Variants in AGBL4 observed in about 807,000 individuals in gnomAD.
The protein encoded by AGBL4 is AGBL carboxypeptidase 4.
In AGBL4, 58 loss-of-function variants were observed where a neutral mutation model predicts 66.4. That is an observed-to-expected ratio of 0.87 (90% confidence interval 0.71 to 1.09). The LOEUF is 1.09. Ranked by LOEUF, AGBL4 falls within the 50% of genes least tolerant of loss-of-function variation. The pLI, the probability that AGBL4 is intolerant of heterozygous loss-of-function variation, is 0.00. For missense variants in AGBL4, 579 were observed against 631.0 expected, an observed-to-expected ratio of 0.92 and a Z score of 0.88; for synonymous variants, 234 against 222.9, an observed-to-expected ratio of 1.05 and a Z score of -0.44.
At chr1:48,820,850 G>C (rs1400816931) in intron 6 of AGBL4, among the ~76,000 whole-genome samples, 1 of 152,000 alleles carries the variant, frequency 6.6e-6, no homozygotes, top group Non-Finnish European at 1.5e-5. Context: ...CGAAATATGT[G>C]TCTGACAAAG....
At chr1:49,658,517 C>G (rs556600356) in intron 3 of AGBL4, among the ~76,000 whole-genome samples, 91 of 152,138 alleles carry the variant, frequency 6.0e-4, no homozygotes, top group African/African-American at 1.7e-3. Flanking sequence ...GGTATATACC[C>G]AAAGGAATAT....
At chr1:49,613,820 A>C (rs1194075364) in intron 3 of AGBL4, among the ~76,000 whole-genome samples, 1 of 152,158 alleles carries the variant, frequency 6.6e-6, no homozygotes, top group Non-Finnish European at 1.5e-5. Flanking sequence ...GAATCATCCC[A>C]AAACCATCCC....
chr1:48,886,198 A>T (rs1008641752), intron 5 of AGBL4, among the ~76,000 whole-genome samples: 2 of 152,168 alleles, frequency 1.3e-5, no homozygotes, highest in African/African-American at 4.8e-5. Context: ...TAAGACAGCG[A>T]CCACAGACCA....
chr1:49,125,951 G>GA, intron 4 of AGBL4, among the ~76,000 whole-genome samples: 1 of 152,260 alleles, frequency 6.6e-6, no homozygotes, highest in South Asian at 2.1e-4. Context: ...TCTTAGGCAT[G>GA]AAAAATATCA....
intron 4 of AGBL4, among the ~76,000 whole-genome samples, chr1:49,091,168 A>G (rs1040264405): frequency 6.6e-6 from 1 of 152,166 alleles, no homozygotes; most frequent in African/African-American, 2.4e-5. Context: ...TTCTGGACCT[A>G]GGCCCTGGAA....
At chr1:49,884,242 C>G (rs537227866) in intron 1 of AGBL4, among the ~76,000 whole-genome samples, 14 of 151,988 alleles carry the variant, frequency 9.2e-5, no homozygotes, top group African/African-American at 1.9e-4. Flanking sequence ...GTATAACATA[C>G]TTTGTTAAGT....
At chr1:48,815,951 T>C (rs1480995871) in intron 6 of AGBL4, among the ~76,000 whole-genome samples, 1 of 152,188 alleles carries the variant, frequency 6.6e-6, no homozygotes, top group Non-Finnish European at 1.5e-5. Flanking sequence ...ATATCTCTAA[T>C]GTAATTAATA....
intron 4 of AGBL4, among the ~76,000 whole-genome samples, chr1:49,227,021 G>C (rs150085771): frequency 6.6e-6 from 1 of 152,012 alleles, no homozygotes; most frequent in South Asian, 2.1e-4. Context: ...ATTCACCAAG[G>C]CTCCACCCAA....
chr1:49,206,918 G>C (rs1220952745), intron 4 of AGBL4, among the ~76,000 whole-genome samples: 1 of 149,432 alleles, frequency 6.7e-6, no homozygotes, highest in Non-Finnish European at 1.5e-5. Flanking sequence ...GAGGAGAGGA[G>C]AGGAGGTAGG....
intron 6 of AGBL4, among the ~76,000 whole-genome samples, chr1:48,845,994 G>C (rs778397141): frequency 2.0e-5 from 3 of 152,156 alleles, no homozygotes; most frequent in Admixed American, 6.5e-5. Flanking sequence ...ATCTGGTCTA[G>C]TGGAGGCCAA....
intron 3 of AGBL4, among the ~76,000 whole-genome samples, chr1:49,518,167 CA>C (rs1386798772): frequency 2.0e-5 from 3 of 152,020 alleles, no homozygotes; most frequent in Non-Finnish European, 2.9e-5. Context: ...TAAGGATGTT[CA>C]GGGGGGCTGT....
At chr1:49,451,046 T>A (rs557307837) in intron 3 of AGBL4, among the ~76,000 whole-genome samples, 2 of 152,036 alleles carry the variant, frequency 1.3e-5, no homozygotes, top group South Asian at 4.2e-4. Context: ...AGAAAAAAAA[T>A]TCTGCTTCCA....
chr1:48,741,730 G>A (rs1435562738), intron 6 of AGBL4, among the ~76,000 whole-genome samples: 2 of 152,196 alleles, frequency 1.3e-5, no homozygotes, highest in African/African-American at 4.8e-5. Context: ...TAAATAAACA[G>A]AGACCTTTTG....
chr1:48,612,800 A>C (rs1284734804), intron 9 of AGBL4, among the ~76,000 whole-genome samples: 3 of 152,268 alleles, frequency 2.0e-5, no homozygotes, highest in Non-Finnish European at 4.4e-5. Context: ...TTTTCTCACA[A>C]GAGACTTTTT....
At chr1:48,877,241 G>C (rs553983601) in intron 5 of AGBL4, among the ~76,000 whole-genome samples, 2 of 152,308 alleles carry the variant, frequency 1.3e-5, no homozygotes, top group East Asian at 1.9e-4. Context: ...TGTAAGTAGA[G>C]GAAGGGGAAA....
At chr1:49,370,398 G>A (rs1570543917) in intron 3 of AGBL4, among the ~76,000 whole-genome samples, 2 of 151,946 alleles carry the variant, frequency 1.3e-5, no homozygotes, top group Non-Finnish European at 2.9e-5. Flanking sequence ...ATTCTGGCAG[G>A]ATTTCTATGT....
intron 2 of AGBL4, chr1:49,846,370 T>C: frequency 6.5e-7 from 1 of 1,545,794 alleles, no homozygotes; most frequent in Non-Finnish European, 8.9e-7. Context: ...GCACCTCCCT[T>C]ACCAAGCACC....
intron 3 of AGBL4, among the ~76,000 whole-genome samples, chr1:49,671,769 C>A (rs1007571249): frequency 1.3e-5 from 2 of 152,006 alleles, no homozygotes; most frequent in Non-Finnish European, 2.9e-5. Context: ...AAATGCAAAT[C>A]AAAACCACAA....
At chr1:49,230,376 C>A (rs1279210250) in intron 4 of AGBL4, among the ~76,000 whole-genome samples, 1 of 152,166 alleles carries the variant, frequency 6.6e-6, no homozygotes, top group Non-Finnish European at 1.5e-5. Flanking sequence ...AATGCCCTCT[C>A]AAGAAGCAGT....
Sources: allele counts gnomAD v4.1 joint callset (sites outside exome capture counted in the v4.1 genomes callset), GRCh38; gene constraint gnomAD v4.1.1; transcripts MANE v1.5; gene names NCBI Gene and HGNC (gene_info 2026-07-23, HGNC 2026-07-21).